DUSP3: variants seen among roughly 807,000 people sequenced by gnomAD.
The protein encoded by DUSP3 is dual specificity phosphatase 3.
Under a neutral mutation model 15.5 loss-of-function variants are expected in DUSP3, and 7 were observed. The ratio of observed to expected loss-of-function variants is 0.45; its 90% CI spans 0.26 to 0.85. The LOEUF is 0.85. Among genes scored for constraint, DUSP3 ranks in the 40% least tolerant of loss-of-function variants. DUSP3 has a pLI of 0.18. For synonymous variants in DUSP3, 86 were observed against 104.2 expected, an observed-to-expected ratio of 0.83 and a Z score of 1.07; for missense variants, 209 against 251.7, an observed-to-expected ratio of 0.83 and a Z score of 1.15.
chr17:43,773,494 T>TG (rs1974343255), intron 2 of DUSP3, among the ~76,000 whole-genome samples: 1 of 152,172 alleles, frequency 6.6e-6, no homozygotes, highest in African/African-American at 2.4e-5. Context: ...ATCTTATATT[T>TG]GGGGGCTGCA....
intron 2 of DUSP3, among the ~76,000 whole-genome samples, chr17:43,772,949 T>A (rs767484582): frequency 6.6e-6 from 1 of 152,188 alleles, no homozygotes; most frequent in Non-Finnish European, 1.5e-5. Flanking sequence ...GTCAGAGAGC[T>A]TGAAATTCCC....
rs1350565163 is a variant in DUSP3 at position 43,774,905 on chromosome 17, T to C, written c.159A>G (p.Lys53=). The stretch of plus-strand genomic sequence containing the variant: ...CGTTCAGCACATGGGTGATGCCTAG[T>C]TTCTGCAGCTTGGGGATGTCCTGAG... ...SVAQDIPKLQ[K]LGITHVLNAA... The change falls in exon 2 of 3, where the codon AAA becomes AAG. Residue 53 remains lysine, a synonymous_variant. Coordinates refer to ENST00000226004, the MANE Select transcript of DUSP3 (RefSeq NM_004090.4). The C allele has an allele frequency of 1.9e-6, 3 of 1,614,196 alleles. No homozygotes were observed. The highest frequency in any genetic ancestry group is 2.5e-6 in the Non-Finnish European group (3 of 1,180,032).
In DUSP3 at chr17:43,767,464, G is replaced by C. The variant is rs1426881828; in HGVS notation, c.*2145C>G. Reference sequence around the variant, plus strand: ...CAGGGAGCCCCCTTCTTGAGAAAGAGTATCGTATGAAAGAATCCAGCTTCA... The same window carrying C: ...CAGGGAGCCCCCTTCTTGAGAAAGACTATCGTATGAAAGAATCCAGCTTCA... On this transcript the variant is annotated 3_prime_UTR_variant, in exon 3 of 3. Transcript: ENST00000226004. 1 of 152,618 alleles carries C rather than the reference G, an allele frequency of 6.6e-6. No individual in the cohort carries two copies. Among genetic ancestry groups the C allele is most frequent in the Non-Finnish European group, 1.5e-5 (1 of 68,058 alleles). 9.5% of individuals were successfully genotyped at this position (152,618 alleles called of 1,614,324 possible). A position where few individuals can be genotyped will look rare whatever the true frequency, so the allele number is the denominator to read the frequency against.
chr17:43,778,944 A>C lies in DUSP3; in HGVS notation c.-20T>G. The C allele has an allele frequency of 7.0e-7, 1 of 1,425,580 alleles. No homozygotes were observed. Among genetic ancestry groups the C allele is most frequent in the Non-Finnish European group, 9.2e-7 (1 of 1,083,556 alleles). 88.3% of individuals were successfully genotyped at this position (1,425,580 alleles called of 1,614,324 possible). A position where few individuals can be genotyped will look rare whatever the true frequency, so the allele number is the denominator to read the frequency against. On this transcript the variant is annotated 5_prime_UTR_variant, in exon 1 of 3. Coordinates refer to ENST00000226004, the MANE Select transcript of DUSP3 (RefSeq NM_004090.4). ...CGACATGGCGGCGGCGGGGCCCTGC[A>C]CGCCCGGCAGGAGCAAGCGAGGCGG...
chr17:43,778,307 T>A (rs577215930), intron 1 of DUSP3: 2 of 153,044 alleles, frequency 1.3e-5, no homozygotes, highest in South Asian at 2.0e-4. Flanking sequence ...GGTGTTTAGG[T>A]TCCCTGATCC....
At chr17:43,773,301 G>A (rs1335968265) in intron 2 of DUSP3, among the ~76,000 whole-genome samples, 1 of 152,236 alleles carries the variant, frequency 6.6e-6, no homozygotes, top group African/African-American at 2.4e-5. Context: ...TCCGCTGGGA[G>A]GGTTTGGGGT....
At chr17:43,777,283 TTAA>T (rs1259291303) in intron 1 of DUSP3, among the ~76,000 whole-genome samples, 1 of 152,120 alleles carries the variant, frequency 6.6e-6, no homozygotes, top group East Asian at 1.9e-4. Flanking sequence ...TCTAATACTA[TTAA>T]TAATTCAACA....
chr17:43,777,314 T>G, intron 1 of DUSP3, among the ~76,000 whole-genome samples: 1 of 152,298 alleles, frequency 6.6e-6, no homozygotes. Context: ...AATTTACAAT[T>G]ATCATTATTA....
chr17:43,777,829 A>T (rs79274497), intron 1 of DUSP3: 2,326 of 190,620 alleles, frequency 0.012, 29 homozygotes, highest in Middle Eastern at 0.017. Context: ...AAAAAAATTT[A>T]AAATTTAAAT....
chr17:43,778,693 G>C lies in DUSP3; in HGVS notation c.125+107C>G, dbSNP rs1056393468. On this transcript the variant is annotated intron_variant, in intron 1 of 2. Coordinates refer to ENST00000226004, the MANE Select transcript of DUSP3 (RefSeq NM_004090.4). The stretch of plus-strand genomic sequence containing the variant: ...CGCTGTGGCTCCCGGAGGGGCCATC[G>C]CGCCCGGGCTCCCCCAACCCAAGAC... 22 of 1,324,116 alleles carry C rather than the reference G, an allele frequency of 1.7e-5. No homozygotes were observed. In the Admixed American group the frequency reaches 7.9e-4, roughly 48 times the overall value. The allele number at this position is 1,324,116 out of a possible 1,614,324, so 82.0% of individuals were successfully genotyped here.
In DUSP3 at chr17:43,778,808, C is replaced by T; in HGVS notation, c.117G>A (p.Val39=). The change falls in exon 1 of 3, where the codon GTG becomes GTA. Residue 39 remains valine (V), a synonymous_variant. Transcript: ENST00000226004. The stretch of plus-strand genomic sequence containing the variant: ...TCGCGAAAGGGACTCACGCGTTGCC[C>T]ACGTAGATCCGCGGGGTGACCTCGT... ...PCNEVTPRIY[V]GNASVAQDIP... 6.5e-7 allele frequency: 1 copy of T among 1,535,326 alleles called. No homozygotes were observed. Among genetic ancestry groups the T allele is most frequent in the East Asian group, 2.7e-5 (1 of 36,962 alleles).
In DUSP3 at chr17:43,769,548, C is replaced by T. The variant is rs935003225; in HGVS notation, c.*61G>A. On this transcript the variant is annotated 3_prime_UTR_variant, in exon 3 of 3. Transcript: ENST00000226004. ...AGTGTGTTTCCTAAACATGGCAGCT[C>T]GGGACACCTTTGCCCACGGCCTCCC... The T allele has an allele frequency of 1.1e-5, 18 of 1,586,932 alleles. No homozygotes were observed. The African/African-American group carries it at 1.5e-4, about 13-fold the overall frequency.
Position 43,768,173 on chromosome 17 carries a change from T to A in DUSP3, c.*1436A>T, listed in dbSNP as rs1974264658. On this transcript the variant is annotated 3_prime_UTR_variant, in exon 3 of 3. Coordinates refer to ENST00000226004, the MANE Select transcript of DUSP3 (RefSeq NM_004090.4). Reference sequence around the variant, plus strand: ...AAAAGTGTTTACTTTCTTAAACTTTTATCAGACACCTATGTGCAAGGTGCT... The same window carrying A: ...AAAAGTGTTTACTTTCTTAAACTTTAATCAGACACCTATGTGCAAGGTGCT... 6.6e-6 allele frequency: 1 copy of A among 152,238 alleles called. No individual in the cohort carries two copies. The highest frequency in any genetic ancestry group is 1.5e-5 in the Non-Finnish European group (1 of 68,060). The allele number at this position is 152,238 out of a possible 1,614,324, so 9.4% of individuals were successfully genotyped here. A position where few individuals can be genotyped will look rare whatever the true frequency, so the allele number is the denominator to read the frequency against.
intron 2 of DUSP3, among the ~76,000 whole-genome samples, chr17:43,770,090 G>A (rs770563044): frequency 6.6e-6 from 1 of 152,098 alleles, no homozygotes; most frequent in Non-Finnish European, 1.5e-5. Flanking sequence ...AGCTGAACAC[G>A]TGCATCCCCT....
chr17:43,770,982 G>GTA (rs201583997), intron 2 of DUSP3, among the ~76,000 whole-genome samples: 2 of 92,880 alleles, frequency 2.2e-5, no homozygotes, highest in Non-Finnish European at 4.6e-5. Flanking sequence ...GTGTGTGCGT[G>GTA]TATATATATG....
In DUSP3 at chr17:43,772,218, C is replaced by G. The variant is rs148779527; in HGVS notation, c.353-2404G>C. Among the ~76,000 whole-genome samples the G allele has an allele frequency of 4.7e-4, 71 of 152,266 alleles. 2 individuals carry two copies. The East Asian group carries it at 0.013, about 29-fold the overall frequency. On this transcript the variant is annotated intron_variant, in intron 2 of 2. Coordinates refer to ENST00000226004, the MANE Select transcript of DUSP3 (RefSeq NM_004090.4). ...CTCTTCTGCTCCTATCACCCTACCC[C>G]CAAAACACCACTCTATTTTCCCAAT...
chr17:43,767,566 T>A lies in DUSP3; in HGVS notation c.*2043A>T, dbSNP rs1598299239. The stretch of plus-strand genomic sequence containing the variant: ...ACCCTGGGGGCCAGGCCCTTAATCA[T>A]TCTGAACCTCAGTTCCTTTTTTTTA... On this transcript the variant is annotated 3_prime_UTR_variant, in exon 3 of 3. Coordinates refer to ENST00000226004, the MANE Select transcript of DUSP3 (RefSeq NM_004090.4). The A allele has an allele frequency of 6.6e-6, 1 of 152,618 alleles. No homozygotes were observed. Among genetic ancestry groups the A allele is most frequent in the African/African-American group, 2.4e-5 (1 of 41,552 alleles). The allele number at this position is 152,618 out of a possible 1,614,324, so 9.5% of individuals were successfully genotyped here. A position where few individuals can be genotyped will look rare whatever the true frequency, so the allele number is the denominator to read the frequency against.
rs1186290171 is a variant in DUSP3 at position 43,768,798 on chromosome 17, A to G, written c.*811T>C. 1 of 151,784 alleles carries G rather than the reference A, an allele frequency of 6.6e-6. No individual in the cohort carries two copies. The highest frequency in any genetic ancestry group is 2.4e-5 in the African/African-American group (1 of 41,218). The allele number at this position is 151,784 out of a possible 1,614,324, so 9.4% of individuals were successfully genotyped here. ...GTTGGACTTCAACTCCCTGTTTTCT[A>G]AAAAAGAAAAAAAAAAAAGCATGCC... On this transcript the variant is annotated 3_prime_UTR_variant, in exon 3 of 3. Coordinates refer to ENST00000226004, the MANE Select transcript of DUSP3 (RefSeq NM_004090.4).
chr17:43,769,852 T>TC (rs1974291219), intron 2 of DUSP3, 38 bp from the exon 3 acceptor site: 4 of 1,607,448 alleles, frequency 2.5e-6, no homozygotes, highest in Non-Finnish European at 3.4e-6. Context: ...GCTGGGGGCG[T>TC]CCCATCACAC....
Sources: allele counts gnomAD v4.1 joint callset (sites outside exome capture counted in the v4.1 genomes callset), GRCh38; gene constraint gnomAD v4.1.1; transcripts MANE v1.5; gene names NCBI Gene and HGNC (gene_info 2026-07-23, HGNC 2026-07-21).